ORC5: variants seen among roughly 807,000 people sequenced by gnomAD.
ORC5 encodes protein phosphatase 1, regulatory subunit 117.
In ORC5, 39 loss-of-function variants were observed where a neutral mutation model predicts 58.8. The observed-to-expected ratio is 0.66, with a 90% CI of 0.51 to 0.87. ORC5 has a LOEUF of 0.87. Ranked by LOEUF, ORC5 falls within the 40% of genes least tolerant of loss-of-function variation. The pLI is 0.00. For missense variants in ORC5, 493 were observed against 506.3 expected, an observed-to-expected ratio of 0.97 and a Z score of 0.25; for synonymous variants, 218 against 177.6, an observed-to-expected ratio of 1.23 and a Z score of -1.81.
chr7:104,207,067 G>A (rs1417009929), intron 1 of ORC5, among the ~76,000 whole-genome samples: 3 of 152,142 alleles, frequency 2.0e-5, no homozygotes, highest in South Asian at 4.1e-4. Context: ...CAGAAGATGG[G>A]GGTATGAGTA....
In ORC5 at chr7:104,188,239, A is replaced by G. The variant is rs760947120; in HGVS notation, c.684+12T>C. ...ACACATATATATATATTCAAGCAAA[A>G]TGTTCATTTACCAGATGTCTGAGCT... On this transcript the variant is annotated intron_variant, in intron 6 of 13. Coordinates refer to ENST00000297431, the MANE Select transcript of ORC5 (RefSeq NM_002553.4). 4.4e-6 allele frequency: 7 copies of G among 1,597,218 alleles called. No individual in the cohort carries two copies. In the Admixed American group the frequency reaches 8.4e-5, roughly 19 times the overall value.
At chr7:104,181,637 A>G (rs1799433093) in intron 8 of ORC5, among the ~76,000 whole-genome samples, 1 of 151,942 alleles carries the variant, frequency 6.6e-6, no homozygotes, top group Non-Finnish European at 1.5e-5. Context: ...TACGAAAAAA[A>G]AAAATTTAGC....
At position 104,129,370 on chromosome 7, in the gene ORC5, A is replaced by C. The variant is rs562957872; in HGVS notation, c.1263-2477T>G. Reference sequence around the variant, plus strand: ...CAGTGGTAAGTATTCATGCAAACTGAATCATAGTAAGAGTTTTAGATTAAA... The same window carrying C: ...CAGTGGTAAGTATTCATGCAAACTGCATCATAGTAAGAGTTTTAGATTAAA... On this transcript the variant is annotated intron_variant, in intron 13 of 13. Coordinates refer to ENST00000297431, the MANE Select transcript of ORC5 (RefSeq NM_002553.4). The surrounding 1 kb of genome is among the most constrained non-coding windows in gnomAD (Gnocchi z 4.9). Among the ~76,000 whole-genome samples, 1 of 152,284 alleles carries C rather than the reference A, an allele frequency of 6.6e-6. No individual in the cohort carries two copies. The highest frequency in any genetic ancestry group is 2.1e-4 in the South Asian group (1 of 4,822).
chr7:104,158,917 C>T lies in ORC5; in HGVS notation c.1149+2155G>A, dbSNP rs555385729. Among the ~76,000 whole-genome samples, 119 of 150,814 alleles carry T rather than the reference C, an allele frequency of 7.9e-4. 1 individual carries two copies. Among genetic ancestry groups the T allele is most frequent in the Middle Eastern group, 6.8e-3 (2 of 294 alleles). Reference sequence around the variant, plus strand: ...AGTTCAACCAATGTGGAAGTCAGTGCGGCGATTCCTCAGGATCTAGAACTA... The same window carrying T: ...AGTTCAACCAATGTGGAAGTCAGTGTGGCGATTCCTCAGGATCTAGAACTA... On this transcript the variant is annotated intron_variant, in intron 12 of 13. Coordinates refer to ENST00000297431, the MANE Select transcript of ORC5 (RefSeq NM_002553.4).
chr7:104,128,739 T>C (rs1234236112), intron 13 of ORC5, among the ~76,000 whole-genome samples: 2 of 138,062 alleles, frequency 1.4e-5, no homozygotes, highest in Non-Finnish European at 3.1e-5. Flanking sequence ...TGTGTTCTCA[T>C]TGTTCAGTTC....
At chr7:104,194,240 T>G (rs1799745983) in intron 5 of ORC5, among the ~76,000 whole-genome samples, 1 of 151,982 alleles carries the variant, frequency 6.6e-6, no homozygotes, top group Non-Finnish European at 1.5e-5. Flanking sequence ...ACTCAGCTAA[T>G]TGGCTATGAC....
At chr7:104,177,140 TCA>T (rs1039617288) in intron 8 of ORC5, among the ~76,000 whole-genome samples, 2 of 152,202 alleles carry the variant, frequency 1.3e-5, no homozygotes, top group Non-Finnish European at 2.9e-5. Flanking sequence ...GCCTAATGCC[TCA>T]GTTTTCGTAA....
chr7:104,191,074 G>C (rs1799664130), intron 5 of ORC5, among the ~76,000 whole-genome samples: 1 of 143,622 alleles, frequency 7.0e-6, no homozygotes, highest in African/African-American at 2.6e-5. Context: ...ATGGATACTA[G>C]ATGAGACACT....
intron 8 of ORC5, 70 bp downstream of exon 8, chr7:104,183,873 T>C (rs902427145): frequency 3.9e-6 from 4 of 1,020,228 alleles, no homozygotes; most frequent in South Asian, 1.5e-5. Flanking sequence ...CTCTCTGTTA[T>C]TTAAGTTGAG....
At chr7:104,199,398 G>A (rs1799879169) in intron 3 of ORC5, among the ~76,000 whole-genome samples, 1 of 152,190 alleles carries the variant, frequency 6.6e-6, no homozygotes, top group Non-Finnish European at 1.5e-5. Flanking sequence ...CTGGATGTGA[G>A]GCATGGAGCC....
intron 4 of ORC5, 140 bp downstream of exon 4, chr7:104,197,585 A>G (rs80137698): frequency 1.1e-5 from 6 of 559,402 alleles, no homozygotes. Flanking sequence ...AAAAACACTG[A>G]GCTTTACTGA....
intron 3 of ORC5, among the ~76,000 whole-genome samples, chr7:104,199,599 A>C (rs1014672089): frequency 2.0e-5 from 3 of 152,200 alleles, no homozygotes; most frequent in African/African-American, 7.2e-5. Flanking sequence ...GGCTGTATTT[A>C]CCCATTGCCT....
intron 12 of ORC5, among the ~76,000 whole-genome samples, chr7:104,146,951 G>T (rs1798762377): frequency 6.6e-6 from 1 of 152,114 alleles, no homozygotes; most frequent in Non-Finnish European, 1.5e-5. Context: ...TACACATTAT[G>T]TTTTACAACT....
chr7:104,134,407 A>G (rs1277388083), intron 13 of ORC5, among the ~76,000 whole-genome samples: 1 of 114,968 alleles, frequency 8.7e-6, no homozygotes, highest in South Asian at 3.1e-4. Flanking sequence ...AGAGCAAGAC[A>G]CTCCATCTCA....
chr7:104,177,367 GTT>G (rs1338580687), intron 8 of ORC5, among the ~76,000 whole-genome samples: 3 of 151,950 alleles, frequency 2.0e-5, no homozygotes, highest in African/African-American at 7.3e-5. Context: ...ACACATAAAA[GTT>G]AGGTTATAAA....
intron 11 of ORC5, among the ~76,000 whole-genome samples, chr7:104,163,672 T>A (rs1799060741): frequency 6.6e-6 from 1 of 152,102 alleles, no homozygotes. Flanking sequence ...TTTGTATTTT[T>A]AGTAGAGCCG....
At chr7:104,139,798 T>C (rs1798644656) in intron 12 of ORC5, among the ~76,000 whole-genome samples, 1 of 152,006 alleles carries the variant, frequency 6.6e-6, no homozygotes, top group Admixed American at 6.5e-5. Context: ...CTTTGTTACA[T>C]ATATGTCTAT....
chr7:104,140,479 C>T (rs764849199), intron 12 of ORC5, among the ~76,000 whole-genome samples: 5 of 152,104 alleles, frequency 3.3e-5, no homozygotes, highest in Non-Finnish European at 5.9e-5. Flanking sequence ...TTTTGGAAGT[C>T]CTCCTTTATT....
At chr7:104,181,589 T>C (rs796749706) in intron 8 of ORC5, among the ~76,000 whole-genome samples, 2 of 151,650 alleles carry the variant, frequency 1.3e-5, no homozygotes, top group African/African-American at 4.8e-5. Context: ...ATCAAGACCA[T>C]CCTGGCTAAC....
Sources: allele counts gnomAD v4.1 joint callset (sites outside exome capture counted in the v4.1 genomes callset), GRCh38; gene constraint gnomAD v4.1.1; non-coding constraint Gnocchi (gnomAD v3.1); transcripts MANE v1.5; gene names NCBI Gene and HGNC (gene_info 2026-07-23, HGNC 2026-07-21).